ARFGEF2: variants seen among roughly 807,000 people sequenced by gnomAD.
ARFGEF2 encodes the protein ARF guanine nucleotide exchange factor 2.
Under a neutral mutation model 219.9 loss-of-function variants are expected in ARFGEF2, and 74 were observed. That is an observed-to-expected ratio of 0.34 (90% confidence interval 0.28 to 0.41). ARFGEF2 has a LOEUF of 0.41. Ranked by LOEUF, ARFGEF2 falls within the 10% of genes least tolerant of loss-of-function variation. The pLI, the probability that ARFGEF2 is intolerant of heterozygous loss-of-function variation, is 1.00. For synonymous variants in ARFGEF2, 733 were observed against 799.2 expected (o/e 0.92, Z 1.40); for missense variants, 1,743 against 2,218.3 (o/e 0.79, Z 4.30).
intron 38 of ARFGEF2, among the ~76,000 whole-genome samples, chr20:49,032,792 C>T (rs1434764330): frequency 1.3e-5 from 2 of 151,934 alleles, no homozygotes; most frequent in African/African-American, 4.8e-5. Flanking sequence ...AGGGTTTCAC[C>T]GTGTTGCCTA....
At chr20:48,934,148 T>A (rs1238385413) in intron 1 of ARFGEF2, among the ~76,000 whole-genome samples, 5 of 144,958 alleles carry the variant, frequency 3.4e-5, no homozygotes, top group African/African-American at 1.3e-4. Context: ...AAAAAAAGAT[T>A]CAGGGAAGTT....
rs1467301453 is a variant in ARFGEF2, at chr20:48,985,545, T to G, written c.2208T>G (p.Pro736=). 1 of 1,614,212 alleles carries G rather than the reference T, an allele frequency of 6.2e-7. No homozygotes were observed. Among genetic ancestry groups the G allele is most frequent in the Non-Finnish European group, 8.5e-7 (1 of 1,180,030 alleles). The change falls in exon 16 of 39, where the codon CCT becomes CCG. Residue 736 remains proline (P), a synonymous_variant. Transcript: ENST00000371917. ...LRTFLEGFRL[P]GEAQKIDRLM... is the part of the protein sequence containing the mutation. Reference sequence around the variant, plus strand: ...CATTCCTAGAAGGTTTCCGCCTACCTGGAGAAGCCCAAAAGATTGACCGAT... The same window carrying G: ...CATTCCTAGAAGGTTTCCGCCTACCGGGAGAAGCCCAAAAGATTGACCGAT...
At chr20:48,932,663 C>G (rs1038059464) in intron 1 of ARFGEF2, among the ~76,000 whole-genome samples, 1 of 152,064 alleles carries the variant, frequency 6.6e-6, no homozygotes, top group African/African-American at 2.4e-5. Context: ...AAAGGAAAGC[C>G]GAGAGGTTGG....
intron 35 of ARFGEF2, among the ~76,000 whole-genome samples, chr20:49,024,399 C>A (rs2091588137): frequency 6.6e-6 from 1 of 152,168 alleles, no homozygotes; most frequent in Admixed American, 6.6e-5. Context: ...GTGAGTGAGG[C>A]AGGCTGGGTA....
chr20:49,021,168 A>G (rs1392313248), intron 34 of ARFGEF2, among the ~76,000 whole-genome samples: 1 of 151,576 alleles, frequency 6.6e-6, no homozygotes, highest in East Asian at 1.9e-4. Flanking sequence ...TTGGGAGACC[A>G]GGACCAATGG....
At chr20:48,929,863 G>A (rs1249181509) in intron 1 of ARFGEF2, among the ~76,000 whole-genome samples, 2 of 152,198 alleles carry the variant, frequency 1.3e-5, no homozygotes, top group Non-Finnish European at 2.9e-5. Context: ...ACCCCAACAT[G>A]CAAGGCCTGG....
rs1232843130 is a variant in ARFGEF2, at chr20:48,939,726, T to C, written c.122-1473T>C. 3.3e-5 allele frequency among the ~76,000 whole-genome samples: 5 copies of C among 152,354 alleles called. No homozygotes were observed. The South Asian group carries it at 6.2e-4, about 19-fold the overall frequency. On this transcript the variant is annotated intron_variant, in intron 1 of 38. Transcript: ENST00000371917. ...TTTCTCTTCTGTTTTCTTATGTGTG[T>C]AATAAGATATACAAAGTCGGGCTTG... is the stretch of plus-strand genomic sequence containing the variant.
At chr20:49,017,639 A>G (rs2091539336) in intron 33 of ARFGEF2, 89 bp downstream of exon 33, 2 of 1,315,270 alleles carry the variant, frequency 1.5e-6, no homozygotes, top group East Asian at 2.3e-5. Context: ...ACTTTTTTTA[A>G]TGGGAAGTGA....
rs191034123 is a variant in ARFGEF2, at chr20:48,985,130, C to T, written c.2071-278C>T. On this transcript the variant is annotated intron_variant, in intron 15 of 38. Transcript: ENST00000371917. The stretch of plus-strand genomic sequence containing the variant: ...TTCCTTGACTGCTAGAAAGTTCTTA[C>T]GGCTGCCTGTCTGCAACTAACCTCC... Among the ~76,000 whole-genome samples, 210 of 152,040 alleles carry T rather than the reference C, an allele frequency of 1.4e-3. 2 individuals carry two copies. Among genetic ancestry groups the T allele is most frequent in the African/African-American group, 4.7e-3 (194 of 41,462 alleles).
At chr20:48,982,286 C>G (rs916548815) in intron 14 of ARFGEF2, among the ~76,000 whole-genome samples, 3 of 152,142 alleles carry the variant, frequency 2.0e-5, no homozygotes, top group Non-Finnish European at 2.9e-5. Flanking sequence ...CACTCCAGAC[C>G]CTGTTTGCCT....
At chr20:48,924,909 A>G (rs56000282) in intron 1 of ARFGEF2, among the ~76,000 whole-genome samples, 6,799 of 152,254 alleles carry the variant, frequency 0.045, 465 homozygotes, top group African/African-American at 0.15. Context: ...CTTGGCATGT[A>G]GTAGGTGCTC....
intron 14 of ARFGEF2, among the ~76,000 whole-genome samples, chr20:48,978,059 A>G (rs1438938613): frequency 2.0e-5 from 3 of 152,222 alleles, no homozygotes; most frequent in Non-Finnish European, 4.4e-5. Flanking sequence ...GCCCACGCCT[A>G]GTTCCTGAAT....
intron 1 of ARFGEF2, among the ~76,000 whole-genome samples, chr20:48,930,962 C>T (rs957814005): frequency 6.6e-6 from 1 of 152,054 alleles, no homozygotes; most frequent in Non-Finnish European, 1.5e-5. Flanking sequence ...TTATGAAGCC[C>T]GAAGTCGAGA....
intron 1 of ARFGEF2, among the ~76,000 whole-genome samples, chr20:48,940,438 CT>C (rs766694094): frequency 6.6e-6 from 1 of 152,214 alleles, no homozygotes; most frequent in Non-Finnish European, 1.5e-5. Context: ...ACTTAGACAA[CT>C]TTCAATATTT....
chr20:48,989,626 C>T lies in ARFGEF2; in HGVS notation c.2756C>T (p.Ser919Phe), dbSNP rs2091345863. Residue 919 changes from serine (S) to phenylalanine (F), a missense_variant, in exon 20 of 39, where the codon TCC becomes TTC. Physicochemically the swap from Ser to Phe is radical, Grantham distance 155. Coordinates refer to ENST00000371917, the MANE Select transcript of ARFGEF2 (RefSeq NM_006420.3). ...LQNCDDTEVA[S>F]LCLEGIRCAI... ...AACTGTGATGACACTGAAGTGGCCT[C>T]CTTGTGTTTGGAAGGCATCCGATGT... The T allele has an allele frequency of 6.2e-7, 1 of 1,614,192 alleles. No homozygotes were observed.
rs750449575 is a variant in ARFGEF2 at position 49,033,373 on chromosome 20, GGTATTTCATTAAACTGTTGCATACCCA to G, written c.*177_*203del. 3.7e-5 allele frequency: 25 copies of G among 679,910 alleles called. No homozygotes were observed. Among genetic ancestry groups the G allele is most frequent in the Non-Finnish European group, 6.0e-5 (24 of 400,222 alleles). 42.1% of individuals were successfully genotyped at this position (679,910 alleles called of 1,614,324 possible). A position where few individuals can be genotyped will look rare whatever the true frequency, so the allele number is the denominator to read the frequency against. On this transcript the variant is annotated 3_prime_UTR_variant, in exon 39 of 39. Coordinates refer to ENST00000371917, the MANE Select transcript of ARFGEF2 (RefSeq NM_006420.3). Reference sequence around the variant, plus strand: ...ATCACAGTCTCCAACTAAGGCTTATGGTATTTCATTAAACTGTTGCATACCCAGTTAGCACAGTAGGTGGGGAGTCTG... The same window carrying G: ...ATCACAGTCTCCAACTAAGGCTTATGGTTAGCACAGTAGGTGGGGAGTCTG...
chr20:48,969,228 C>A lies in ARFGEF2; in HGVS notation c.1141C>A (p.Leu381Met), dbSNP rs1256995975. Residue 381 changes from leucine (L) to methionine (M), a missense_variant, in exon 9 of 39, where the codon CTG becomes ATG. By Grantham distance (15) the Leu-to-Met change is conservative. Around this residue, in one of 5 missense-constraint regions of ARFGEF2, gnomAD observed 666 missense variants for 955.4 expected, o/e 0.70. Transcript: ENST00000371917. ...GGATGCCTTCCTTGTGTTCCGCTCC[C>A]TGTGCAAGCTGTCCATGAAACCCCT... ...QKDAFLVFRS[L>M]CKLSMKPLGE... The A allele has an allele frequency of 1.9e-6, 3 of 1,614,128 alleles. No individual in the cohort carries two copies. The highest frequency in any genetic ancestry group is 1.7e-5 in the Admixed American group (1 of 60,012).
At chr20:49,012,134 T>C (rs1277422334) in intron 28 of ARFGEF2, 50 bp downstream of exon 28, 1 of 1,612,558 alleles carries the variant, frequency 6.2e-7, no homozygotes, top group Non-Finnish European at 8.5e-7. Flanking sequence ...GAAAAGGTCA[T>C]GGAGCAGAAA....
chr20:49,002,200 T>A (rs963104245), intron 25 of ARFGEF2, among the ~76,000 whole-genome samples: 2 of 152,154 alleles, frequency 1.3e-5, no homozygotes, highest in Admixed American at 1.3e-4. Context: ...ATCGTGCCAT[T>A]GCACACCAGT....
Sources: allele counts gnomAD v4.1 joint callset (sites outside exome capture counted in the v4.1 genomes callset), GRCh38; gene constraint gnomAD v4.1.1; regional missense constraint gnomAD v4.1.1; transcripts MANE v1.5; gene names NCBI Gene and HGNC (gene_info 2026-07-23, HGNC 2026-07-21).